The following LRMDA variants were observed in gnomAD, a reference collection of about 807,000 sequenced individuals.
LRMDA encodes leucine-rich melanocyte differentiation-associated protein.
In LRMDA, 18 loss-of-function variants were observed where a neutral mutation model predicts 29.8. The ratio of observed to expected loss-of-function variants is 0.60; its 90% CI spans 0.42 to 0.90. The LOEUF is 0.90. LRMDA is among the 40% of genes least tolerant of loss of function. The probability of loss-of-function intolerance (pLI) is 0.00; values close to 1 mark genes in which losing one functional copy is unlikely to be tolerated. For synonymous variants in LRMDA, 125 were observed against 109.4 expected, an observed-to-expected ratio of 1.14 and a Z score of -0.89; for missense variants, 273 against 273.9, an observed-to-expected ratio of 1.00 and a Z score of 0.02.
At chr10:76,427,401 G>C (rs1165396251) in intron 6 of LRMDA, among the ~76,000 whole-genome samples, 2 of 152,138 alleles carry the variant, frequency 1.3e-5, no homozygotes, top group South Asian at 2.1e-4. Flanking sequence ...TTGGCTCTCT[G>C]TTTGTCTGTT....
chr10:75,900,265 A>G (rs1564601128), intron 2 of LRMDA, among the ~76,000 whole-genome samples: 1 of 152,180 alleles, frequency 6.6e-6, no homozygotes, highest in East Asian at 1.9e-4. Context: ...CCCTCTGAAA[A>G]CCTTGTTTTA....
intron 2 of LRMDA, among the ~76,000 whole-genome samples, chr10:75,615,318 C>T (rs1481909252): frequency 6.6e-6 from 1 of 152,118 alleles, no homozygotes; most frequent in African/African-American, 2.4e-5. Flanking sequence ...GTGCTTGGGA[C>T]CAGAAGTGTT....
At chr10:76,192,425 G>T (rs1383953542) in intron 5 of LRMDA, among the ~76,000 whole-genome samples, 1 of 152,108 alleles carries the variant, frequency 6.6e-6, no homozygotes, top group Non-Finnish European at 1.5e-5. Context: ...CCTCCAAAAG[G>T]CCTGCGACTA....
chr10:76,222,182 G>A (rs1182559322), intron 5 of LRMDA, among the ~76,000 whole-genome samples: 1 of 151,994 alleles, frequency 6.6e-6, no homozygotes, highest in African/African-American at 2.4e-5. Context: ...GAAAACCTAG[G>A]CATTACCATT....
intron 2 of LRMDA, among the ~76,000 whole-genome samples, chr10:75,569,376 CT>C (rs563691210): frequency 1.3e-5 from 2 of 152,192 alleles, no homozygotes; most frequent in South Asian, 2.1e-4. Context: ...TGATATCTTA[CT>C]GTTCAGTCCT....
At chr10:75,444,596 C>A (rs1316770566) in intron 2 of LRMDA, among the ~76,000 whole-genome samples, 1 of 152,132 alleles carries the variant, frequency 6.6e-6, no homozygotes, top group Non-Finnish European at 1.5e-5. Context: ...AGGTAACAGG[C>A]AGGGGGCATG....
At chr10:75,748,583 G>T (rs1246943704) in intron 2 of LRMDA, among the ~76,000 whole-genome samples, 1 of 152,022 alleles carries the variant, frequency 6.6e-6, no homozygotes, top group Non-Finnish European at 1.5e-5. Context: ...CTACAACCTG[G>T]GGAGATGGCA....
intron 5 of LRMDA, among the ~76,000 whole-genome samples, chr10:76,093,539 T>C (rs1849266623): frequency 1.3e-5 from 2 of 152,168 alleles, no homozygotes; most frequent in Admixed American, 6.5e-5. Flanking sequence ...CCTTGTCGAA[T>C]GTTGTTACCA....
chr10:75,691,976 G>T (rs1425698585), intron 2 of LRMDA, among the ~76,000 whole-genome samples: 2 of 151,972 alleles, frequency 1.3e-5, no homozygotes, highest in Non-Finnish European at 2.9e-5. Flanking sequence ...CCAAAGGCAG[G>T]AAGACCATTT....
At chr10:76,437,130 G>A (rs908457873) in intron 6 of LRMDA, among the ~76,000 whole-genome samples, 2 of 152,108 alleles carry the variant, frequency 1.3e-5, no homozygotes, top group Admixed American at 6.5e-5. Flanking sequence ...AAATAAAACA[G>A]GACCAGCAAG....
chr10:76,195,718 T>C (rs1270353768), intron 5 of LRMDA, among the ~76,000 whole-genome samples: 1 of 152,194 alleles, frequency 6.6e-6, no homozygotes, highest in Non-Finnish European at 1.5e-5. Flanking sequence ...GACATATTGT[T>C]GACTGATTCA....
At chr10:75,628,754 A>G (rs1443875229) in intron 2 of LRMDA, among the ~76,000 whole-genome samples, 3 of 152,118 alleles carry the variant, frequency 2.0e-5, no homozygotes, top group African/African-American at 7.2e-5. Flanking sequence ...CCAGACCTCC[A>G]GCATAGTCAC....
At chr10:76,201,384 G>A (rs886723133) in intron 5 of LRMDA, among the ~76,000 whole-genome samples, 1 of 152,158 alleles carries the variant, frequency 6.6e-6, no homozygotes, top group African/African-American at 2.4e-5. Context: ...TGAGCCCCAC[G>A]CCCGGAGTGG....
chr10:75,887,339 CA>C (rs1325691613), intron 2 of LRMDA, among the ~76,000 whole-genome samples: 2 of 151,804 alleles, frequency 1.3e-5, no homozygotes, highest in African/African-American at 4.8e-5. Context: ...AAATAGGATA[CA>C]AATATATTGG....
At chr10:75,648,810 G>A (rs1285852845) in intron 2 of LRMDA, among the ~76,000 whole-genome samples, 1 of 152,140 alleles carries the variant, frequency 6.6e-6, no homozygotes, top group Non-Finnish European at 1.5e-5. Flanking sequence ...ATGATACCAG[G>A]ACTCCCTGGT....
intron 2 of LRMDA, among the ~76,000 whole-genome samples, chr10:75,753,258 A>G (rs1269952487): frequency 6.6e-6 from 1 of 152,330 alleles, no homozygotes; most frequent in Non-Finnish European, 1.5e-5. Context: ...AGTGCTGAGA[A>G]TAAGTAGTAC....
Position 76,032,661 on chromosome 10 carries a change from G to A in LRMDA, c.132-3347G>A, listed in dbSNP as rs1390065194. On this transcript the variant is annotated intron_variant, in intron 2 of 6. Transcript: ENST00000611255. ...GGTACCTGTGTGTGAGATCCTGGCT[G>A]CGTTGCTGCTGGTGGAGGGGGAGGC... Among the ~76,000 whole-genome samples, 3 of 152,272 alleles carry A rather than the reference G, an allele frequency of 2.0e-5. No homozygotes were observed. The East Asian group carries it at 5.8e-4, about 30-fold the overall frequency.
intron 6 of LRMDA, among the ~76,000 whole-genome samples, chr10:76,463,653 G>T (rs936557082): frequency 2.6e-5 from 4 of 152,162 alleles, no homozygotes; most frequent in Admixed American, 2.0e-4. Context: ...GGCAGGGGAG[G>T]GGGGAAGGGC....
intron 4 of LRMDA, among the ~76,000 whole-genome samples, chr10:76,051,434 A>G (rs1361499626): frequency 6.6e-6 from 1 of 152,192 alleles, no homozygotes; most frequent in African/African-American, 2.4e-5. Flanking sequence ...TCAGGCATTC[A>G]TGAATGCTGT....
Sources: allele counts gnomAD v4.1 joint callset (sites outside exome capture counted in the v4.1 genomes callset), GRCh38; gene constraint gnomAD v4.1.1; transcripts MANE v1.5; gene names NCBI Gene and HGNC (gene_info 2026-07-23, HGNC 2026-07-21).